The following SLC22A11 variants were observed in gnomAD, a reference collection of about 807,000 sequenced individuals.
SLC22A11 encodes the protein organic anion transporter 4.
A neutral mutation model predicts 49.4 loss-of-function variants in SLC22A11; 42 were observed. The observed-to-expected ratio is 0.85, with a 90% CI of 0.66 to 1.10. SLC22A11 has a LOEUF of 1.10. SLC22A11 is among the 50% of genes least tolerant of loss of function. The pLI, the probability that SLC22A11 is intolerant of heterozygous loss-of-function variation, is 0.00. For missense variants in SLC22A11, 685 were observed against 731.6 expected, an observed-to-expected ratio of 0.94 and a Z score of 0.74; for synonymous variants, 304 against 315.8, an observed-to-expected ratio of 0.96 and a Z score of 0.40.
In SLC22A11 at chr11:64,565,430, A is replaced by G. The variant is rs2038611717; in HGVS notation, c.1058+93A>G. On this transcript the variant is annotated intron_variant, in intron 6 of 9. Coordinates refer to ENST00000301891, the MANE Select transcript of SLC22A11 (RefSeq NM_018484.4). The surrounding 1 kb of genome is among the most constrained non-coding windows in gnomAD (Gnocchi z 4.1). Reference sequence around the variant, plus strand: ...AGGAGGCAGAGCGTCCAGGGGAAACAGCACCCGCAGGCCTCAAGGGGGTGC... The same window carrying G: ...AGGAGGCAGAGCGTCCAGGGGAAACGGCACCCGCAGGCCTCAAGGGGGTGC... 1 of 1,028,638 alleles carries G rather than the reference A, an allele frequency of 9.7e-7. No individual in the cohort carries two copies. 63.7% of individuals were successfully genotyped at this position (1,028,638 alleles called of 1,614,324 possible).
chr11:64,559,259 C>A, intron 2 of SLC22A11, 21 bp downstream of exon 2: 1 of 1,507,226 alleles, frequency 6.6e-7, no homozygotes, highest in Non-Finnish European at 9.0e-7. Context: ...CCGCTCCTCC[C>A]AGCCCCCAGC....
In SLC22A11 at chr11:64,566,478, T is replaced by A. The variant is rs1336016579; in HGVS notation, c.1059-1121T>A. 4 of 150,030 alleles carry A rather than the reference T, an allele frequency of 2.7e-5. No homozygotes were observed. The South Asian group carries it at 8.4e-4, about 31-fold the overall frequency. 9.3% of individuals were successfully genotyped at this position (150,030 alleles called of 1,614,324 possible). ...CTCACTGCAAACACCCGGGACCAGT[T>A]TTTTTTTTTAAAAAAAAAAAAAACC... On this transcript the variant is annotated intron_variant, in intron 6 of 9. Coordinates refer to ENST00000301891, the MANE Select transcript of SLC22A11 (RefSeq NM_018484.4).
At position 64,562,282 on chromosome 11, in the gene SLC22A11, C is replaced by T. The variant is rs760394755; in HGVS notation, c.668C>T (p.Thr223Met). 56 of 1,604,976 alleles carry T rather than the reference C, an allele frequency of 3.5e-5. No homozygotes were observed. Among genetic ancestry groups the T allele is most frequent in the East Asian group, 1.3e-4 (6 of 44,620 alleles). The stretch of plus-strand genomic sequence containing the variant: ...CATCCTTCAGTGGTGGAGTGGACCA[C>T]GACCAGCAGGAGGGCGGTCACCATG... Reference protein sequence around the residue: ...SSLTLMVEWTTTSRRAVTMTV... With the variant: ...SSLTLMVEWTMTSRRAVTMTV... The change falls in exon 4 of 10, where the codon ACG (threonine) becomes ATG (methionine). Residue 223 changes from threonine (T) to methionine (M), a missense_variant. By Grantham distance (81) the Thr-to-Met change is moderately conservative (BLOSUM62 -1). Transcript: ENST00000301891. This position sits in a 1 kb window ranked among gnomAD's most constrained non-coding sequence, Gnocchi z 4.4.
chr11:64,570,114 G>T (rs1467367447), intron 9 of SLC22A11, among the ~76,000 whole-genome samples: 2 of 152,238 alleles, frequency 1.3e-5, no homozygotes, highest in Non-Finnish European at 2.9e-5. Context: ...AAATGTAATG[G>T]TTGAAAGCCC....
chr11:64,560,927 C>T (rs757516292), intron 2 of SLC22A11, among the ~76,000 whole-genome samples: 2 of 152,170 alleles, frequency 1.3e-5, no homozygotes, highest in Non-Finnish European at 2.9e-5. Flanking sequence ...AGATCTCTTC[C>T]CTTCTCTGGA....
In SLC22A11 at chr11:64,564,036, G is replaced by A. The variant is rs544576344; in HGVS notation, c.822-272G>A. Reference sequence around the variant, plus strand: ...TGCCCAGGCCACCTGTGCCCTGGCTGTGTGCAGGGCTCAGGTGGGCAGGCC... The same window carrying A: ...TGCCCAGGCCACCTGTGCCCTGGCTATGTGCAGGGCTCAGGTGGGCAGGCC... On this transcript the variant is annotated intron_variant, in intron 4 of 9. Coordinates refer to ENST00000301891, the MANE Select transcript of SLC22A11 (RefSeq NM_018484.4). This position sits in a 1 kb window ranked among gnomAD's most constrained non-coding sequence, Gnocchi z 4.2. 2.6e-5 allele frequency among the ~76,000 whole-genome samples: 4 copies of A among 152,314 alleles called. No individual in the cohort carries two copies. The highest frequency in any genetic ancestry group is 9.6e-5 in the African/African-American group (4 of 41,582).
chr11:64,570,247 C>T (rs1004543740), intron 9 of SLC22A11, among the ~76,000 whole-genome samples: 19 of 152,224 alleles, frequency 1.2e-4, no homozygotes, highest in African/African-American at 4.6e-4. Context: ...GTGCAATTTT[C>T]CCACAAAGAA....
chr11:64,569,385 T>C (rs916830452), intron 8 of SLC22A11, among the ~76,000 whole-genome samples: 1 of 152,148 alleles, frequency 6.6e-6, no homozygotes, highest in Non-Finnish European at 1.5e-5. Flanking sequence ...AAGCCTGAGT[T>C]GGGAGCTCAG....
At chr11:64,558,000 G>T (rs1476750607) in intron 1 of SLC22A11, among the ~76,000 whole-genome samples, 1 of 152,054 alleles carries the variant, frequency 6.6e-6, no homozygotes, top group Non-Finnish European at 1.5e-5. Flanking sequence ...GTTTCACCAC[G>T]TTGGTCAGGC....
intron 1 of SLC22A11, among the ~76,000 whole-genome samples, chr11:64,556,679 G>A (rs1174098600): frequency 6.6e-6 from 1 of 152,122 alleles, no homozygotes; most frequent in Non-Finnish European, 1.5e-5. Flanking sequence ...CCCATTAGCC[G>A]TGACTCCAGA....
At chr11:64,561,170 C>T (rs989451583) in intron 2 of SLC22A11, among the ~76,000 whole-genome samples, 1 of 152,236 alleles carries the variant, frequency 6.6e-6, no homozygotes, top group Non-Finnish European at 1.5e-5. Context: ...CCAGGGCACT[C>T]GGGCAGGGGC....
intron 1 of SLC22A11, among the ~76,000 whole-genome samples, chr11:64,557,628 T>TC (rs2038481047): frequency 3.1e-5 from 2 of 64,648 alleles, no homozygotes; most frequent in African/African-American, 3.4e-4. Context: ...TTTCTTTCTC[T>TC]TTTTTTTTTT....
chr11:64,558,089 C>T lies in SLC22A11; in HGVS notation c.394-1046C>T, dbSNP rs540872152. On this transcript the variant is annotated intron_variant, in intron 1 of 9. Transcript: ENST00000301891. ...CTGGGATTACAGGCATGAACCACCACGCTTGGTCTAATTTTTTAAATTTTT... is the reference window on the plus strand; with the variant it reads ...CTGGGATTACAGGCATGAACCACCATGCTTGGTCTAATTTTTTAAATTTTT... Among the ~76,000 whole-genome samples the T allele has an allele frequency of 3.9e-5, 6 of 152,188 alleles. No homozygotes were observed. In the South Asian group the frequency reaches 6.2e-4, roughly 16 times the overall value.
At position 64,556,052 on chromosome 11, in the gene SLC22A11, C is replaced by T; in HGVS notation, c.53C>T (p.Thr18Ile). 6.2e-7 allele frequency: 1 copy of T among 1,613,728 alleles called. No individual in the cohort carries two copies. Among genetic ancestry groups the T allele is most frequent in the Non-Finnish European group, 8.5e-7 (1 of 1,180,024 alleles). The part of the protein sequence containing the change: ...EQAGGVGLFQ[T>I]LQVLTFILPC... ...GCCGGAGGCGTGGGCCTCTTCCAGA[C>T]CCTGCAGGTGCTCACCTTCATCCTC... Residue 18 changes from threonine to isoleucine, a missense_variant, in exon 1 of 10, where the codon ACC becomes ATC. Coordinates refer to ENST00000301891, the MANE Select transcript of SLC22A11 (RefSeq NM_018484.4).
Position 64,559,219 on chromosome 11 carries a change from T to C in SLC22A11, c.478T>C (p.Trp160Arg). The C allele has an allele frequency of 6.2e-6, 10 of 1,608,328 alleles. No individual in the cohort carries two copies. The highest frequency in any genetic ancestry group is 7.7e-6 in the Non-Finnish European group (9 of 1,176,392). ...CGGGATCCTGGTGGGCTCCTTTATC[T>C]GGGGCCTCCTCTCCTACCGGTGAGT... is the stretch of plus-strand genomic sequence containing the variant. Reference protein sequence around the residue: ...MSGILVGSFIWGLLSYRFGRK... With the variant: ...MSGILVGSFIRGLLSYRFGRK... The change falls in exon 2 of 10, where the codon TGG (tryptophan) becomes CGG (arginine). Residue 160 changes from tryptophan to arginine, a missense_variant. Trp to Arg is a moderately radical substitution (Grantham distance 101, BLOSUM62 -3). Transcript: ENST00000301891.
intron 6 of SLC22A11, chr11:64,566,340 T>A (rs1263284868): frequency 6.6e-6 from 1 of 152,288 alleles, no homozygotes; most frequent in Admixed American, 6.5e-5. Flanking sequence ...TATGCTATAT[T>A]TAACCACATA....
chr11:64,565,436 C>A lies in SLC22A11; in HGVS notation c.1058+99C>A. On this transcript the variant is annotated intron_variant, in intron 6 of 9. Transcript: ENST00000301891. The surrounding 1 kb of genome is among the most constrained non-coding windows in gnomAD (Gnocchi z 4.1). ...CAGAGCGTCCAGGGGAAACAGCACC[C>A]GCAGGCCTCAAGGGGGTGCATTTCT... The A allele has an allele frequency of 2.0e-6, 2 of 980,826 alleles. No individual in the cohort carries two copies. Among genetic ancestry groups the A allele is most frequent in the Non-Finnish European group, 3.1e-6 (2 of 640,966 alleles). The allele number at this position is 980,826 out of a possible 1,614,324, so 60.8% of individuals were successfully genotyped here.
chr11:64,562,170 G>T lies in SLC22A11; in HGVS notation c.652+12G>T. The T allele has an allele frequency of 6.2e-7, 1 of 1,611,386 alleles. No homozygotes were observed. On this transcript the variant is annotated intron_variant, in intron 3 of 9. Transcript: ENST00000301891. The surrounding 1 kb of genome is among the most constrained non-coding windows in gnomAD (Gnocchi z 4.4). ...TTCACTGACACTGAGTGAGTCCCCG[G>T]CTCAGCGCGCTCCTGCCATGGGGGC...
Position 64,565,520 on chromosome 11 carries a change from G to A in SLC22A11, c.1058+183G>A, listed in dbSNP as rs1322890144. On this transcript the variant is annotated intron_variant, in intron 6 of 9. Transcript: ENST00000301891. This position sits in a 1 kb window ranked among gnomAD's most constrained non-coding sequence, Gnocchi z 4.1. ...AGGAGTCCTGGCAGGCAGCAGAGAG[G>A]GACTATGCACAGGTGGGATCTGGAG... 1.5e-6 allele frequency: 1 copy of A among 667,202 alleles called. No homozygotes were observed. The highest frequency in any genetic ancestry group is 2.8e-6 in the Non-Finnish European group (1 of 363,586). 41.3% of individuals were successfully genotyped at this position (667,202 alleles called of 1,614,324 possible). A position where few individuals can be genotyped will look rare whatever the true frequency, so the allele number is the denominator to read the frequency against.
Sources: allele counts gnomAD v4.1 joint callset (sites outside exome capture counted in the v4.1 genomes callset), GRCh38; gene constraint gnomAD v4.1.1; non-coding constraint Gnocchi (gnomAD v3.1); transcripts MANE v1.5; gene names NCBI Gene and HGNC (gene_info 2026-07-23, HGNC 2026-07-21).